Variants in ST3GAL5 observed in about 807,000 individuals in gnomAD.
ST3GAL5 encodes lactosylceramide alpha-2,3-sialyltransferase.
A neutral mutation model predicts 46.1 loss-of-function variants in ST3GAL5; 25 were observed. That is an observed-to-expected ratio of 0.54 (90% CI 0.40 to 0.76). The LOEUF is 0.76. Among genes scored for constraint, ST3GAL5 ranks in the 30% least tolerant of loss-of-function variants. The pLI, the probability that ST3GAL5 is intolerant of heterozygous loss-of-function variation, is 0.00. For synonymous variants in ST3GAL5, 182 were observed against 192.7 expected, an observed-to-expected ratio of 0.94 and a Z score of 0.46; for missense variants, 431 against 521.2, an observed-to-expected ratio of 0.83 and a Z score of 1.69.
At chr2:85,886,798 C>T (rs1477767812) in intron 1 of ST3GAL5, among the ~76,000 whole-genome samples, 1 of 152,220 alleles carries the variant, frequency 6.6e-6, no homozygotes, top group Non-Finnish European at 1.5e-5. Context: ...GCCACCCACA[C>T]TGATCCAGCC....
intron 3 of ST3GAL5, chr2:85,851,805 G>T: frequency 9.9e-7 from 1 of 1,008,832 alleles, no homozygotes; most frequent in Non-Finnish European, 1.3e-6. Flanking sequence ...CATTCATCCA[G>T]ATGAGGCTCA....
intron 5 of ST3GAL5, chr2:85,846,154 C>A (rs977174129): frequency 1.3e-5 from 7 of 521,574 alleles, no homozygotes; most frequent in Non-Finnish European, 1.7e-5. Context: ...CAAGACTGCA[C>A]CACTGCACTC....
At chr2:85,861,138 T>C in intron 3 of ST3GAL5, 43 bp downstream of exon 3, 1 of 1,260,024 alleles carries the variant, frequency 7.9e-7, no homozygotes, top group Non-Finnish European at 1.2e-6. Context: ...GAGCATATGC[T>C]TGGCAATGTT....
At chr2:85,851,438 A>C in intron 3 of ST3GAL5, 4 of 1,219,590 alleles carry the variant, frequency 3.3e-6, no homozygotes, top group Non-Finnish European at 4.2e-6. Context: ...TTTTCTGTAG[A>C]GAGCTCACAC....
intron 1 of ST3GAL5, among the ~76,000 whole-genome samples, chr2:85,875,196 G>A (rs1049013569): frequency 1.3e-5 from 2 of 151,832 alleles, no homozygotes; most frequent in Admixed American, 6.6e-5. Flanking sequence ...TAGCTAGGAC[G>A]ATAGGTGTAT....
rs534645269 is a variant in ST3GAL5, at chr2:85,840,876, G to A, written c.1009-484C>T. 4.1e-5 allele frequency among the ~76,000 whole-genome samples: 6 copies of A among 144,642 alleles called. No homozygotes were observed. The East Asian group carries it at 6.4e-4, about 15-fold the overall frequency. The allele number at this position is 144,642 out of a possible 152,430, so 94.9% of individuals were successfully genotyped here. On this transcript the variant is annotated intron_variant, in intron 6 of 6. Transcript: ENST00000638572. Reference sequence around the variant, plus strand: ...GGAGAATCACTTGAACCCAGGAGGCGGAGGCTGCAGTGAGCCGAGATCGAG... The same window carrying A: ...GGAGAATCACTTGAACCCAGGAGGCAGAGGCTGCAGTGAGCCGAGATCGAG...
chr2:85,872,798 A>G (rs11674097), intron 1 of ST3GAL5, among the ~76,000 whole-genome samples: 6,758 of 152,272 alleles, frequency 0.044, 214 homozygotes, highest in East Asian at 0.11. Flanking sequence ...GGAAGGGAGA[A>G]AACAGCCATT....
chr2:85,878,603 G>A lies in ST3GAL5; in HGVS notation c.82+10221C>T, dbSNP rs567375147. ...TCAGTTGAGAAGGGCTGGTCTGTAT[G>A]GTTGTCTAATTTTCTTTGTTTACCT... On this transcript the variant is annotated intron_variant, in intron 1 of 6. Coordinates refer to ENST00000638572, the MANE Select transcript of ST3GAL5 (RefSeq NM_003896.4). 6.6e-5 allele frequency among the ~76,000 whole-genome samples: 10 copies of A among 152,192 alleles called. No individual in the cohort carries two copies. The South Asian group carries it at 2.1e-3, about 32-fold the overall frequency.
chr2:85,846,509 A>C lies in ST3GAL5; in HGVS notation c.717T>G (p.Thr239=), dbSNP rs756594825. The part of the protein sequence containing the change: ...GYSEHVGNKT[T]IRMTYPEGAP... ...CGCCCTCTGGATAAGTCATCCTTAT[A>C]GTAGTTTTATTTCCAACATGTTCTG... Residue 239 remains threonine, a synonymous_variant, in exon 5 of 7, where the codon ACT becomes ACG. Transcript: ENST00000638572. 4.3e-6 allele frequency: 7 copies of C among 1,614,242 alleles called. No individual in the cohort carries two copies. The South Asian group carries it at 7.7e-5, about 18-fold the overall frequency.
chr2:85,888,996 C>A, upstream of ST3GAL5: 1 of 989,882 alleles, frequency 1.0e-6, no homozygotes, highest in South Asian at 3.6e-5. Context: ...CAGCTGGGGG[C>A]CGCCGCTCCC....
chr2:85,842,629 A>G (rs1326777148), intron 6 of ST3GAL5, among the ~76,000 whole-genome samples: 2 of 152,248 alleles, frequency 1.3e-5, no homozygotes, highest in Non-Finnish European at 2.9e-5. Flanking sequence ...TTCAACTAAC[A>G]GACAGATTAT....
intron 1 of ST3GAL5, chr2:85,881,051 G>A (rs1558707967): frequency 2.1e-6 from 1 of 467,008 alleles, no homozygotes; most frequent in Non-Finnish European, 4.2e-6. Context: ...TTGAATCACG[G>A]GGGCTGGTCT....
At chr2:85,845,785 T>A (rs1365222468) in intron 5 of ST3GAL5, 1 of 153,440 alleles carries the variant, frequency 6.5e-6, no homozygotes, top group African/African-American at 2.4e-5. Context: ...GAAGTGCCGG[T>A]GCTGAGACCG....
intron 1 of ST3GAL5, among the ~76,000 whole-genome samples, chr2:85,873,216 G>A (rs1686149430): frequency 6.6e-6 from 1 of 152,192 alleles, no homozygotes; most frequent in Non-Finnish European, 1.5e-5. Flanking sequence ...CCCCTCGCCT[G>A]GAGATGGGAC....
chr2:85,869,007 T>A (rs1159765501), intron 1 of ST3GAL5, among the ~76,000 whole-genome samples: 2 of 152,338 alleles, frequency 1.3e-5, no homozygotes, highest in East Asian at 1.9e-4. Flanking sequence ...CGTAGAGGCA[T>A]CTGGAAGAAA....
chr2:85,847,523 G>A (rs1422430371), intron 4 of ST3GAL5: 2 of 1,075,122 alleles, frequency 1.9e-6, no homozygotes, highest in Non-Finnish European at 2.3e-6. Flanking sequence ...GTCCCTCACT[G>A]TTCCTGGAGC....
chr2:85,867,906 A>G, intron 1 of ST3GAL5: 1 of 531,224 alleles, frequency 1.9e-6, no homozygotes, highest in Non-Finnish European at 3.5e-6. Context: ...AGCATCCAAG[A>G]TGGCATTGCT....
rs1451016229 is a variant in ST3GAL5 at position 85,846,128 on chromosome 2, G to A, written c.849+249C>T. ...GGAGAATTGCTTGAACCTGGGATGC[G>A]GAGGCTGCAGAGAGCCAAGACTGCA... On this transcript the variant is annotated intron_variant, in intron 5 of 6. Coordinates refer to ENST00000638572, the MANE Select transcript of ST3GAL5 (RefSeq NM_003896.4). The A allele has an allele frequency of 2.0e-5, 9 of 447,590 alleles. No homozygotes were observed. In the East Asian group the frequency reaches 2.2e-4, roughly 11 times the overall value. The allele number at this position is 447,590 out of a possible 1,614,324, so 27.7% of individuals were successfully genotyped here.
chr2:85,847,383 G>T, intron 4 of ST3GAL5: 1 of 996,536 alleles, frequency 1.0e-6, no homozygotes, highest in Non-Finnish European at 1.2e-6. Context: ...GCCACTTACT[G>T]TAGCCAGCAG....
Sources: allele counts gnomAD v4.1 joint callset (sites outside exome capture counted in the v4.1 genomes callset), GRCh38; gene constraint gnomAD v4.1.1; transcripts MANE v1.5; gene names NCBI Gene and HGNC (gene_info 2026-07-23, HGNC 2026-07-21).